Variants in NKD2 observed in about 807,000 individuals in gnomAD.
The protein encoded by NKD2 is NKD inhibitor of Wnt signaling pathway 2, also known as protein naked cuticle homolog 2.
NKD2 carries 43 observed loss-of-function variants against 34.8 expected under a neutral mutation model. The ratio of observed to expected loss-of-function variants is 1.24; its 90% CI spans 0.97 to 1.60. The LOEUF is 1.60. Among genes scored for constraint, NKD2 ranks in the 40% most tolerant of loss-of-function variants. The pLI is 0.00. For synonymous variants in NKD2, 278 were observed against 265.1 expected (o/e 1.05, Z -0.47); for missense variants, 675 against 627.1 (o/e 1.08, Z -0.82).
At chr5:1,034,667 GGGC>G in intron 6 of NKD2, 86 bp from the exon 7 acceptor site, 1 of 1,342,996 alleles carries the variant, frequency 7.4e-7, no homozygotes, top group South Asian at 1.3e-5. Flanking sequence ...GCATAGGAAG[GGGC>G]GGGGGCTGGA....
intron 5 of NKD2, among the ~76,000 whole-genome samples, chr5:1,033,786 G>C (rs1756741553): frequency 6.6e-6 from 1 of 152,222 alleles, no homozygotes; most frequent in Non-Finnish European, 1.5e-5. Flanking sequence ...GGCACTACAG[G>C]AGTAATGCCA....
chr5:1,038,469 C>T lies in NKD2; in HGVS notation c.*96C>T. ...TGCCGGCTGTGTGCCCATGGGGAGC[C>T]CAGCCCCCACCCCCCACCTCCGACA... On this transcript the variant is annotated 3_prime_UTR_variant, in exon 10 of 10. Coordinates refer to ENST00000296849, the MANE Select transcript of NKD2 (RefSeq NM_033120.4). This position sits in a 1 kb window ranked among gnomAD's most constrained non-coding sequence, Gnocchi z 4.5. The T allele has an allele frequency of 1.3e-6, 2 of 1,531,840 alleles. No homozygotes were observed. The highest frequency in any genetic ancestry group is 1.2e-5 in the South Asian group (1 of 83,958). The allele number at this position is 1,531,840 out of a possible 1,614,324, so 94.9% of individuals were successfully genotyped here.
Position 1,034,229 on chromosome 5 carries a change from CCA to C in NKD2, c.331-3_331-2del. On this transcript the variant is annotated splice_region_variant and splice_polypyrimidine_tract_variant and intron_variant, in intron 5 of 9. Transcript: ENST00000296849. ...GCGAGGTCCCGGCCCCCACGTCCCC[CCA>C]CAGGCACTCCAGTGCGATGTCTCGG... The C allele has an allele frequency of 1.2e-6, 2 of 1,609,778 alleles. No homozygotes were observed. Among genetic ancestry groups the C allele is most frequent in the Non-Finnish European group, 1.7e-6 (2 of 1,178,730 alleles).
Position 1,009,592 on chromosome 5 carries a change from T to C in NKD2, c.141+32T>C. ...GGCGGGGCGGAGGCTGGGGTCGCGC[T>C]GCGCACCCGCCCGGGGGCGGGGAGC... is the stretch of plus-strand genomic sequence containing the variant. On this transcript the variant is annotated intron_variant, in intron 3 of 9. Transcript: ENST00000296849. This position sits in a 1 kb window ranked among gnomAD's most constrained non-coding sequence, Gnocchi z 6.9. The C allele has an allele frequency of 1.4e-6, 2 of 1,406,534 alleles. No individual in the cohort carries two copies. Among genetic ancestry groups the C allele is most frequent in the Non-Finnish European group, 1.8e-6 (2 of 1,090,130 alleles). The allele number at this position is 1,406,534 out of a possible 1,614,324, so 87.1% of individuals were successfully genotyped here.
chr5:1,030,874 C>T (rs1469598192), intron 3 of NKD2, among the ~76,000 whole-genome samples: 1 of 152,234 alleles, frequency 6.6e-6, no homozygotes, highest in Non-Finnish European at 1.5e-5. Context: ...GACCTCAGCT[C>T]TGGGGGGCCC....
At chr5:1,010,736 G>A (rs886396365) in intron 3 of NKD2, among the ~76,000 whole-genome samples, 5 of 152,214 alleles carry the variant, frequency 3.3e-5, no homozygotes, top group Non-Finnish European at 7.4e-5. Context: ...GGGCTTGCTG[G>A]TGAGTGGATG....
Position 1,009,596 on chromosome 5 carries a change from C to T in NKD2, c.141+36C>T. 1.4e-6 allele frequency: 2 copies of T among 1,396,670 alleles called. No individual in the cohort carries two copies. Among genetic ancestry groups the T allele is most frequent in the South Asian group, 3.1e-5 (2 of 64,260 alleles). The allele number at this position is 1,396,670 out of a possible 1,614,324, so 86.5% of individuals were successfully genotyped here. On this transcript the variant is annotated intron_variant, in intron 3 of 9. Coordinates refer to ENST00000296849, the MANE Select transcript of NKD2 (RefSeq NM_033120.4). This position sits in a 1 kb window ranked among gnomAD's most constrained non-coding sequence, Gnocchi z 6.9. ...GGGCGGAGGCTGGGGTCGCGCTGCG[C>T]ACCCGCCCGGGGGCGGGGAGCGGTG...
intron 3 of NKD2, among the ~76,000 whole-genome samples, chr5:1,018,264 G>A (rs1409479203): frequency 1.3e-5 from 2 of 152,146 alleles, no homozygotes; most frequent in Admixed American, 1.3e-4. Context: ...CAGACCTGCC[G>A]GATGACCCTC....
chr5:1,018,459 G>GCGGACAT (rs1407077465), intron 3 of NKD2, among the ~76,000 whole-genome samples: 3 of 152,246 alleles, frequency 2.0e-5, no homozygotes, highest in African/African-American at 7.2e-5. Context: ...ACATGGGCCT[G>GCGGACAT]GGGAAGGTGC....
chr5:1,012,824 T>C (rs1488589693), intron 3 of NKD2, among the ~76,000 whole-genome samples: 1 of 152,206 alleles, frequency 6.6e-6, no homozygotes, highest in Non-Finnish European at 1.5e-5. Flanking sequence ...AGCGCTCACC[T>C]GTCCTCTGTG....
rs750964789 is a variant in NKD2 at position 1,034,886 on chromosome 5, G to A, written c.557G>A (p.Gly186Asp). The change falls in exon 7 of 10, where the codon GGT (glycine) becomes GAT (aspartate). Residue 186 changes from glycine (G) to aspartate (D), a missense_variant. By Grantham distance (94) the Gly-to-Asp change is moderately conservative. Coordinates refer to ENST00000296849, the MANE Select transcript of NKD2 (RefSeq NM_033120.4). ...SPEPSSKRKE[G>D]PPAGQDREPT... is the part of the protein sequence containing the mutation. ...GAGCCCTCCAGCAAGAGGAAGGAGG[G>A]TCCTCCTGCTGGCCAGGGTGAGTGA... 1.9e-6 allele frequency: 3 copies of A among 1,610,752 alleles called. No homozygotes were observed. Among genetic ancestry groups the A allele is most frequent in the African/African-American group, 2.7e-5 (2 of 74,858 alleles).
rs1755680613 is a variant in NKD2, at chr5:1,009,821, T to C, written c.141+261T>C. On this transcript the variant is annotated intron_variant, in intron 3 of 9. Coordinates refer to ENST00000296849, the MANE Select transcript of NKD2 (RefSeq NM_033120.4). The surrounding 1 kb of genome is among the most constrained non-coding windows in gnomAD (Gnocchi z 6.9). ...ATTCCTTGTCCTAGGCTGGGAGCCGTGTGGGGGCTCCATGTTTCGGGCTGG... is the reference window on the plus strand; with the variant it reads ...ATTCCTTGTCCTAGGCTGGGAGCCGCGTGGGGGCTCCATGTTTCGGGCTGG... Among the ~76,000 whole-genome samples, 1 of 150,908 alleles carries C rather than the reference T, an allele frequency of 6.6e-6. No individual in the cohort carries two copies.
rs568760719 is a variant in NKD2 at position 1,021,712 on chromosome 5, C to T, written c.142-10440C>T. Among the ~76,000 whole-genome samples, 181 of 152,036 alleles carry T rather than the reference C, an allele frequency of 1.2e-3. 2 individuals are homozygous for T. The highest frequency in any genetic ancestry group is 4.0e-3 in the African/African-American group (165 of 41,490). ...CTTGAAGTCAAATTCCATCCTATGG[C>T]GGCCGGCAGAAGTGGGCCCCCGGCA... On this transcript the variant is annotated intron_variant, in intron 3 of 9. Transcript: ENST00000296849.
intron 3 of NKD2, among the ~76,000 whole-genome samples, chr5:1,031,247 T>C (rs1361727678): frequency 6.6e-6 from 1 of 152,110 alleles, no homozygotes; most frequent in Non-Finnish European, 1.5e-5. Flanking sequence ...GATGAAGCCG[T>C]GGGGACTGTG....
chr5:1,025,859 C>G (rs1341248114), intron 3 of NKD2, among the ~76,000 whole-genome samples: 1 of 109,048 alleles, frequency 9.2e-6, no homozygotes, highest in African/African-American at 3.5e-5. Context: ...CCTGCTCTTC[C>G]CACCCGCTGT....
chr5:1,021,027 A>AG (rs1267579865), intron 3 of NKD2, among the ~76,000 whole-genome samples: 2 of 151,536 alleles, frequency 1.3e-5, no homozygotes, highest in African/African-American at 4.9e-5. Context: ...AGCTGCTGTG[A>AG]GGCAGGATGA....
At chr5:1,028,699 G>C (rs1028684439) in intron 3 of NKD2, among the ~76,000 whole-genome samples, 2 of 152,192 alleles carry the variant, frequency 1.3e-5, no homozygotes, top group East Asian at 3.9e-4. Context: ...CCCCAAACCG[G>C]AAGTGCAGCT....
At chr5:1,036,503 A>ACCCCC (rs1491491725) in intron 9 of NKD2, 119 bp downstream of exon 9, 40 of 207,794 alleles carry the variant, frequency 1.9e-4, no homozygotes, top group African/African-American at 1.2e-3. Flanking sequence ...CCCCCCCCCA[A>ACCCCC]CCCCCCCCAC....
Position 1,038,610 on chromosome 5 carries a change from C to A in NKD2, c.*237C>A. The A allele has an allele frequency of 1.3e-6, 1 of 766,300 alleles. No homozygotes were observed. Among genetic ancestry groups the A allele is most frequent in the Non-Finnish European group, 2.2e-6 (1 of 457,244 alleles). The allele number at this position is 766,300 out of a possible 1,614,324, so 47.5% of individuals were successfully genotyped here. On this transcript the variant is annotated 3_prime_UTR_variant, in exon 10 of 10. Coordinates refer to ENST00000296849, the MANE Select transcript of NKD2 (RefSeq NM_033120.4). This position sits in a 1 kb window ranked among gnomAD's most constrained non-coding sequence, Gnocchi z 4.5. ...CCTCGATGCCACATGGCGGTGAACA[C>A]ATCTGAAGCCACTATGTTTCCTGGC...
Sources: allele counts gnomAD v4.1 joint callset (sites outside exome capture counted in the v4.1 genomes callset), GRCh38; gene constraint gnomAD v4.1.1; non-coding constraint Gnocchi (gnomAD v3.1); transcripts MANE v1.5; gene names NCBI Gene and HGNC (gene_info 2026-07-23, HGNC 2026-07-21).